AUTS2: variants seen among roughly 807,000 people sequenced by gnomAD.
AUTS2 encodes activator of transcription and developmental regulator AUTS2, also known as autism susceptibility gene 2 protein.
AUTS2 carries 17 observed loss-of-function variants against 112.4 expected under a neutral mutation model. That is an observed-to-expected ratio of 0.15 (90% CI 0.10 to 0.23). The LOEUF is 0.23. Among genes scored for constraint, AUTS2 ranks in the 10% least tolerant of loss-of-function variants. The pLI is 1.00. For synonymous variants in AUTS2, 751 were observed against 702.7 expected (o/e 1.07, Z -1.09); for missense variants, 1,510 against 1,701.6 (o/e 0.89, Z 1.98).
intron 2 of AUTS2, among the ~76,000 whole-genome samples, chr7:69,929,181 A>C (rs1449805066): frequency 2.6e-5 from 4 of 152,134 alleles, no homozygotes; most frequent in African/African-American, 9.7e-5. Flanking sequence ...TTAGTAATTT[A>C]AAAGTGTTGC....
intron 4 of AUTS2, among the ~76,000 whole-genome samples, chr7:70,391,614 AG>A (rs1354299887): frequency 6.6e-6 from 1 of 152,198 alleles, no homozygotes; most frequent in African/African-American, 2.4e-5. Flanking sequence ...TTACTCTTCC[AG>A]GTGAGATGAG....
Position 70,762,928 on chromosome 7 carries a change from T to A in AUTS2, c.801T>A (p.Ile267=). 1 of 1,614,102 alleles carries A rather than the reference T, an allele frequency of 6.2e-7. No individual in the cohort carries two copies. The highest frequency in any genetic ancestry group is 8.5e-7 in the Non-Finnish European group (1 of 1,180,004). The change falls in exon 7 of 19, where the codon ATT becomes ATA. Residue 267 remains isoleucine (I), a synonymous_variant. Coordinates refer to ENST00000342771, the MANE Select transcript of AUTS2 (RefSeq NM_015570.4). The part of the protein sequence containing the change: ...PEHDSQDAGP[I]VPKISGLERS... ...ATGACAGCCAGGATGCAGGGCCGAT[T>A]GTCCCCAAGATATCGGGTCTAGAGA... is the stretch of plus-strand genomic sequence containing the variant.
intron 1 of AUTS2, among the ~76,000 whole-genome samples, chr7:69,782,947 G>C (rs1375737207): frequency 6.6e-6 from 1 of 152,110 alleles, no homozygotes; most frequent in Admixed American, 6.5e-5. Context: ...CATTGACTTA[G>C]ATATTCTCCC....
At chr7:69,949,704 C>G (rs1377806163) in intron 2 of AUTS2, among the ~76,000 whole-genome samples, 2 of 152,150 alleles carry the variant, frequency 1.3e-5, no homozygotes, top group African/African-American at 4.8e-5. Context: ...ATGTCACATT[C>G]TCCATGAACT....
At chr7:70,142,385 C>T (rs1159410862) in intron 4 of AUTS2, among the ~76,000 whole-genome samples, 1 of 152,176 alleles carries the variant, frequency 6.6e-6, no homozygotes, top group African/African-American at 2.4e-5. Flanking sequence ...CTGCCATGTG[C>T]AACCATTGCT....
intron 2 of AUTS2, among the ~76,000 whole-genome samples, chr7:70,023,848 A>C (rs1233895951): frequency 6.6e-6 from 1 of 152,208 alleles, no homozygotes; most frequent in African/African-American, 2.4e-5. Flanking sequence ...TTGACTGGCA[A>C]AGAAAAAAAA....
At chr7:70,415,302 T>G (rs1320364653) in intron 4 of AUTS2, among the ~76,000 whole-genome samples, 1 of 152,202 alleles carries the variant, frequency 6.6e-6, no homozygotes. Context: ...CCTCTCTGAT[T>G]TTTTCATTAT....
chr7:69,719,884 T>C (rs1318415954), intron 1 of AUTS2, among the ~76,000 whole-genome samples: 4 of 152,052 alleles, frequency 2.6e-5, no homozygotes, highest in Admixed American at 1.3e-4. Flanking sequence ...GGATAATTAA[T>C]AGCAAGTGGA....
At chr7:70,363,235 T>A (rs1792358759) in intron 4 of AUTS2, among the ~76,000 whole-genome samples, 1 of 152,214 alleles carries the variant, frequency 6.6e-6, no homozygotes, top group African/African-American at 2.4e-5. Context: ...AGGATTTATC[T>A]GGTTTCTCAT....
chr7:70,235,682 C>A (rs1022352149), intron 4 of AUTS2, among the ~76,000 whole-genome samples: 3 of 151,088 alleles, frequency 2.0e-5, no homozygotes, highest in Non-Finnish European at 4.4e-5. Context: ...GACAGAGTCT[C>A]ACACTGTTGC....
chr7:69,764,941 C>G (rs928507845), intron 1 of AUTS2, among the ~76,000 whole-genome samples: 2 of 152,184 alleles, frequency 1.3e-5, no homozygotes, highest in African/African-American at 4.8e-5. Flanking sequence ...AGCCAAAACA[C>G]AACAGTCTTT....
intron 5 of AUTS2, among the ~76,000 whole-genome samples, chr7:70,612,036 A>G (rs1304556504): frequency 6.6e-6 from 1 of 152,210 alleles, no homozygotes; most frequent in African/African-American, 2.4e-5. Context: ...ATGTATACAC[A>G]AATGTGTGCA....
At chr7:69,992,700 G>A (rs866585297) in intron 2 of AUTS2, among the ~76,000 whole-genome samples, 4 of 152,118 alleles carry the variant, frequency 2.6e-5, no homozygotes, top group Middle Eastern at 3.4e-3. Context: ...CCTGGGCAAC[G>A]TAGCAAGACT....
chr7:70,096,194 A>G (rs1020078220), intron 2 of AUTS2, among the ~76,000 whole-genome samples: 1 of 152,228 alleles, frequency 6.6e-6, no homozygotes, highest in African/African-American at 2.4e-5. Context: ...ACTTCATTAA[A>G]GGGATGGATA....
At chr7:69,707,464 A>G (rs1049217093) in intron 1 of AUTS2, among the ~76,000 whole-genome samples, 2 of 152,182 alleles carry the variant, frequency 1.3e-5, no homozygotes, top group South Asian at 2.1e-4. Flanking sequence ...AGAAATATTC[A>G]TCTTTCAATT....
chr7:70,038,704 C>T (rs1801114882), intron 2 of AUTS2, among the ~76,000 whole-genome samples: 1 of 152,040 alleles, frequency 6.6e-6, no homozygotes, highest in African/African-American at 2.4e-5. Flanking sequence ...ATTCAAGCTC[C>T]ATCTCTTAAA....
At chr7:69,760,775 G>A (rs558246943) in intron 1 of AUTS2, among the ~76,000 whole-genome samples, 21 of 152,254 alleles carry the variant, frequency 1.4e-4, no homozygotes, top group Non-Finnish European at 2.4e-4. Flanking sequence ...AGCCGAGATC[G>A]TGCCACTGCA....
Position 69,997,480 on chromosome 7 carries a change from A to G in AUTS2, c.522+97982A>G, listed in dbSNP as rs1335462326. 2.0e-5 allele frequency among the ~76,000 whole-genome samples: 3 copies of G among 152,208 alleles called. No homozygotes were observed. In the East Asian group the frequency reaches 5.8e-4, roughly 29 times the overall value. ...GTGTTAGTCCATTTGTGTTCCTATA[A>G]ACGAATACCTGAGACTGGGTAATTT... On this transcript the variant is annotated intron_variant, in intron 2 of 18. Transcript: ENST00000342771.
At chr7:69,727,425 A>G (rs1326203490) in intron 1 of AUTS2, among the ~76,000 whole-genome samples, 1 of 151,912 alleles carries the variant, frequency 6.6e-6, no homozygotes, top group African/African-American at 2.4e-5. Flanking sequence ...CCCCGTCTCT[A>G]CTAAAAATAC....
Sources: gnomAD v4.1 joint callset for allele counts (sites outside exome capture counted in the v4.1 genomes callset) on GRCh38, gnomAD v4.1.1 for gene constraint, MANE v1.5 for transcripts, NCBI Gene and HGNC (gene_info 2026-07-23, HGNC 2026-07-21) for gene names.